The following ARHGEF3 variants were observed in gnomAD, a reference collection of about 807,000 sequenced individuals.
ARHGEF3 encodes the protein Rho guanine nucleotide exchange factor 3.
In ARHGEF3, 28 loss-of-function variants were observed where a neutral mutation model predicts 63.2. That is an observed-to-expected ratio of 0.44 (90% CI 0.33 to 0.61). The LOEUF is 0.61. ARHGEF3 is among the 20% of genes least tolerant of loss of function. The probability of loss-of-function intolerance (pLI) is 0.03; values close to 1 mark genes in which losing one functional copy is unlikely to be tolerated. For missense variants in ARHGEF3, 533 were observed against 659.3 expected (o/e 0.81, Z 2.10); for synonymous variants, 266 against 254.2 (o/e 1.05, Z -0.44).
chr3:56,994,623 T>C (rs1035003067), intron 2 of ARHGEF3, among the ~76,000 whole-genome samples: 5 of 151,868 alleles, frequency 3.3e-5, no homozygotes, highest in African/African-American at 1.2e-4. Context: ...TATGCCTTAA[T>C]TGTCTCAAGA....
intron 1 of ARHGEF3, among the ~76,000 whole-genome samples, chr3:56,790,977 A>G (rs773854065): frequency 9.9e-5 from 15 of 151,892 alleles, no homozygotes; most frequent in Non-Finnish European, 2.1e-4. Flanking sequence ...ATTTAATTCA[A>G]TCAGGTTGCC....
At chr3:57,013,006 C>T (rs372920297) in intron 2 of ARHGEF3, among the ~76,000 whole-genome samples, 11 of 152,328 alleles carry the variant, frequency 7.2e-5, no homozygotes, top group South Asian at 4.1e-4. Context: ...GCTTAGCACC[C>T]GGGCCAGGCT....
At chr3:56,825,328 T>A (rs1412137630) in intron 4 of ARHGEF3, among the ~76,000 whole-genome samples, 2 of 152,258 alleles carry the variant, frequency 1.3e-5, no homozygotes, top group African/African-American at 4.8e-5. Flanking sequence ...TATTCAGGTG[T>A]GGAATGAGTT....
In ARHGEF3 at chr3:57,021,751, C is replaced by CAA. The variant is rs11328299; in HGVS notation, c.62+13335_62+13336dup. On this transcript the variant is annotated intron_variant, in intron 2 of 12. Transcript: ENST00000338458. ...CTGGCGACAGAGGAAGACGCCATCT[C>CAA]AAAAAAAAAAAAAAAATTTATTCAG... 1.3e-4 allele frequency among the ~76,000 whole-genome samples: 14 copies of CAA among 108,574 alleles called. No homozygotes were observed. The East Asian group carries it at 2.1e-3, about 17-fold the overall frequency. 71.2% of individuals were successfully genotyped at this position (108,574 alleles called of 152,430 possible).
intron 2 of ARHGEF3, among the ~76,000 whole-genome samples, chr3:56,758,044 G>T (rs573836778): frequency 6.6e-6 from 1 of 151,070 alleles, no homozygotes; most frequent in African/African-American, 2.4e-5. Context: ...TTGGGAGGCT[G>T]AGGCGGGCGG....
chr3:56,963,519 C>T (rs1265814417), intron 2 of ARHGEF3, among the ~76,000 whole-genome samples: 1 of 152,186 alleles, frequency 6.6e-6, no homozygotes, highest in Admixed American at 6.5e-5. Context: ...ACTCCACTTT[C>T]CCTTCTCAAA....
At chr3:56,812,814 A>C (rs1332126860) in intron 4 of ARHGEF3, among the ~76,000 whole-genome samples, 1 of 152,242 alleles carries the variant, frequency 6.6e-6, no homozygotes, top group Non-Finnish European at 1.5e-5. Flanking sequence ...CTTCTCTGCT[A>C]GCTGCTCCAC....
intron 3 of ARHGEF3, among the ~76,000 whole-genome samples, chr3:56,942,684 A>C (rs770717003): frequency 3.3e-5 from 5 of 152,268 alleles, no homozygotes; most frequent in Non-Finnish European, 5.9e-5. Flanking sequence ...GCATGTCCAA[A>C]GTTGAGGCAG....
At chr3:56,745,176 A>G (rs772088800) in intron 7 of ARHGEF3, 29 bp downstream of exon 7, 2 of 1,601,434 alleles carry the variant, frequency 1.2e-6, no homozygotes, top group South Asian at 2.2e-5. Context: ...AAATAACAAG[A>G]AGAGAGAGAA....
Position 56,968,275 on chromosome 3 carries a change from TAAAA to T in ARHGEF3, c.63-9390_63-9387del, listed in dbSNP as rs1700737086. Among the ~76,000 whole-genome samples, 17 of 49,288 alleles carry T rather than the reference TAAAA, an allele frequency of 3.4e-4. 1 individual carries two copies. Among genetic ancestry groups the T allele is most frequent in the African/African-American group, 1.1e-3 (17 of 15,794 alleles). 32.3% of individuals were successfully genotyped at this position (49,288 alleles called of 152,430 possible). On this transcript the variant is annotated intron_variant, in intron 2 of 12. Transcript: ENST00000338458. ...ATATAATATTTAAATATATAATATA[TAAAA>T]TATATATAATATATATAATATATAA... is the stretch of plus-strand genomic sequence containing the variant.
At chr3:56,822,314 G>A (rs1267352324) in intron 4 of ARHGEF3, among the ~76,000 whole-genome samples, 1 of 152,148 alleles carries the variant, frequency 6.6e-6, no homozygotes, top group Non-Finnish European at 1.5e-5. Context: ...TGGCTCCAGG[G>A]CCCACACTTT....
chr3:56,800,322 C>G (rs2037576614), intron 1 of ARHGEF3, among the ~76,000 whole-genome samples: 2 of 152,134 alleles, frequency 1.3e-5, no homozygotes, highest in Admixed American at 1.3e-4. Context: ...AGGAAGTTCC[C>G]ACTGAAAAAA....
chr3:56,834,480 C>T (rs1292970264), intron 4 of ARHGEF3, among the ~76,000 whole-genome samples: 7 of 152,020 alleles, frequency 4.6e-5, no homozygotes, highest in Non-Finnish European at 7.4e-5. Context: ...ATAATAAGGT[C>T]GTGGTCGGGC....
chr3:56,978,692 A>T (rs1053374393), intron 2 of ARHGEF3, among the ~76,000 whole-genome samples: 3 of 152,248 alleles, frequency 2.0e-5, no homozygotes, highest in Non-Finnish European at 2.9e-5. Flanking sequence ...GTAATTTGAC[A>T]TCATTTTCCA....
chr3:57,059,886 C>G (rs1156658549), intron 1 of ARHGEF3, among the ~76,000 whole-genome samples: 1 of 152,084 alleles, frequency 6.6e-6, no homozygotes, highest in Admixed American at 6.5e-5. Flanking sequence ...ATCCCAGCTA[C>G]TCGGGAGGCT....
At chr3:56,968,335 ATAT>A in intron 2 of ARHGEF3, among the ~76,000 whole-genome samples, 1 of 26,800 alleles carries the variant, frequency 3.7e-5, no homozygotes, top group Non-Finnish European at 9.6e-5. Flanking sequence ...TATATATATA[ATAT>A]ATAATATATA....
chr3:57,016,543 G>A (rs771797939), intron 2 of ARHGEF3, among the ~76,000 whole-genome samples: 7 of 151,962 alleles, frequency 4.6e-5, no homozygotes, highest in Non-Finnish European at 7.4e-5. Flanking sequence ...GCGAAACTCC[G>A]TCTCAAAAAG....
intron 3 of ARHGEF3, among the ~76,000 whole-genome samples, chr3:56,921,749 C>G (rs1187138986): frequency 6.6e-6 from 1 of 152,148 alleles, no homozygotes; most frequent in African/African-American, 2.4e-5. Context: ...CTTGGAGAGC[C>G]CTGCTTAGTA....
intron 3 of ARHGEF3, among the ~76,000 whole-genome samples, chr3:56,943,855 A>G (rs1578904147): frequency 6.6e-6 from 1 of 150,652 alleles, no homozygotes; most frequent in Admixed American, 6.6e-5. Flanking sequence ...GCAGAGGTGC[A>G]GTGAGCCAGG....
Sources: gnomAD v4.1 joint callset for allele counts (sites outside exome capture counted in the v4.1 genomes callset) on GRCh38, gnomAD v4.1.1 for gene constraint, MANE v1.5 for transcripts, NCBI Gene and HGNC (gene_info 2026-07-23, HGNC 2026-07-21) for gene names.